The following SSU72 variants were observed in gnomAD, a reference collection of about 807,000 sequenced individuals.
SSU72 encodes RNA polymerase II subunit A C-terminal domain phosphatase SSU72.
SSU72 carries 12 observed loss-of-function variants against 22.7 expected under a neutral mutation model. That is an observed-to-expected ratio of 0.53 (90% confidence interval 0.34 to 0.86). SSU72 has a LOEUF of 0.86. Among genes scored for constraint, SSU72 ranks in the 40% least tolerant of loss-of-function variants. The pLI is 0.02. For missense variants in SSU72, 151 were observed against 249.8 expected, an observed-to-expected ratio of 0.60 and a Z score of 2.67; for synonymous variants, 116 against 98.3, an observed-to-expected ratio of 1.18 and a Z score of -1.06.
rs764252112 is a variant in SSU72 at position 1,574,544 on chromosome 1, G to A, written c.14C>T (p.Pro5Leu). The A allele has an allele frequency of 3.1e-6, 5 of 1,589,278 alleles. No individual in the cohort carries two copies. The highest frequency in any genetic ancestry group is 1.1e-5 in the South Asian group (1 of 88,320). MPSS[P>L]LRVAVVCSSN... ...CGAGCACACCACCGCCACCCGCAGC[G>A]GGGACGACGGCATGGCGGCGGCCGC... The change falls in exon 1 of 5, where the codon CCG (proline) becomes CTG (leucine). Residue 5 changes from proline to leucine, a missense_variant. By Grantham distance (98) the Pro-to-Leu change is moderately conservative. Coordinates refer to ENST00000291386, the MANE Select transcript of SSU72 (RefSeq NM_014188.3).
rs768087256 is a variant in SSU72 at position 1,549,014 on chromosome 1, TG to T, written c.225-4013del. Among the ~76,000 whole-genome samples the T allele has an allele frequency of 9.7e-4, 148 of 152,048 alleles. 1 individual carries two copies. Among genetic ancestry groups the T allele is most frequent in the Non-Finnish European group, 2.2e-4 (15 of 68,012 alleles). ...GAGGCCTTGGGCTGTGACACATACC[TG>T]TGGTCCCAGCTACTCGGGAGGCCGA... On this transcript the variant is annotated intron_variant, in intron 2 of 4. Coordinates refer to ENST00000291386, the MANE Select transcript of SSU72 (RefSeq NM_014188.3).
intron 2 of SSU72, among the ~76,000 whole-genome samples, chr1:1,558,914 C>T (rs1370421973): frequency 1.3e-5 from 2 of 152,222 alleles, no homozygotes; most frequent in African/African-American, 4.8e-5. Flanking sequence ...TCCCCAAAGG[C>T]ACTCCAAGCA....
chr1:1,553,201 C>T (rs1642474308), intron 2 of SSU72, among the ~76,000 whole-genome samples: 1 of 152,164 alleles, frequency 6.6e-6, no homozygotes, highest in South Asian at 2.1e-4. Context: ...GATCTGTAAC[C>T]GCAGCCTCAC....
At chr1:1,570,838 G>A (rs1274613243) in intron 1 of SSU72, among the ~76,000 whole-genome samples, 11 of 152,196 alleles carry the variant, frequency 7.2e-5, no homozygotes, top group African/African-American at 2.2e-4. Context: ...CAGGCTGGGC[G>A]TGGTGGCTCA....
At chr1:1,570,769 C>G (rs1642718987) in intron 1 of SSU72, among the ~76,000 whole-genome samples, 1 of 152,210 alleles carries the variant, frequency 6.6e-6, no homozygotes, top group African/African-American at 2.4e-5. Flanking sequence ...AGACGGACAC[C>G]AAAATGGTAC....
rs752341510 is a variant in SSU72 at position 1,574,567 on chromosome 1, C to G, written c.-10G>C. 2 of 1,581,616 alleles carry G rather than the reference C, an allele frequency of 1.3e-6. No homozygotes were observed. Among genetic ancestry groups the G allele is most frequent in the East Asian group, 5.0e-5 (2 of 40,296 alleles). On this transcript the variant is annotated 5_prime_UTR_variant, in exon 1 of 5. Coordinates refer to ENST00000291386, the MANE Select transcript of SSU72 (RefSeq NM_014188.3). ...GCGGGGACGACGGCATGGCGGCGGC[C>G]GCAAATCCCGCGGCTCTCCCGCTTG...
At chr1:1,549,473 C>T (rs574573713) in intron 2 of SSU72, among the ~76,000 whole-genome samples, 10 of 148,364 alleles carry the variant, frequency 6.7e-5, no homozygotes, top group Admixed American at 1.3e-4. Flanking sequence ...TGAGCAAGAT[C>T]GCACCACCGC....
At chr1:1,548,561 A>G (rs1159126412) in intron 2 of SSU72, among the ~76,000 whole-genome samples, 2 of 150,904 alleles carry the variant, frequency 1.3e-5, no homozygotes, top group African/African-American at 4.9e-5. Context: ...TCTCAAAAAA[A>G]AAAAAAAAAA....
intron 2 of SSU72, among the ~76,000 whole-genome samples, chr1:1,556,042 T>C (rs376273465): frequency 6.6e-6 from 1 of 152,202 alleles, no homozygotes; most frequent in Admixed American, 6.5e-5. Flanking sequence ...ACTCCTGTAA[T>C]CCCAGCACTA....
chr1:1,564,386 G>GCACGCACGCACA, intron 2 of SSU72: 3 of 1,267,158 alleles, frequency 2.4e-6, no homozygotes, highest in East Asian at 2.6e-5. Flanking sequence ...TGTGTATCAG[G>GCACGCACGCACA]CACGCACGCA....
In SSU72 at chr1:1,543,995, G is replaced by A. The variant is rs763157691; in HGVS notation, c.365-8C>T. 1.9e-6 allele frequency: 3 copies of A among 1,606,164 alleles called. No homozygotes were observed. The highest frequency in any genetic ancestry group is 2.7e-5 in the African/African-American group (2 of 74,746). On this transcript the variant is annotated splice_polypyrimidine_tract_variant and splice_region_variant and intron_variant, in intron 3 of 4. Coordinates refer to ENST00000291386, the MANE Select transcript of SSU72 (RefSeq NM_014188.3). ...GTTCTCTGGAATTCAGATCTGATTG[G>A]GACAAGGTGACACAGACGTCAGAGG...
intron 2 of SSU72, among the ~76,000 whole-genome samples, chr1:1,553,491 C>T (rs560007565): frequency 1.3e-5 from 2 of 151,726 alleles, no homozygotes; most frequent in East Asian, 1.9e-4. Flanking sequence ...ACTAGGTGGG[C>T]GTGGCCAGGC....
chr1:1,546,011 G>C (rs1007729098), intron 2 of SSU72: 1 of 152,236 alleles, frequency 6.6e-6, no homozygotes, highest in Non-Finnish European at 1.5e-5. Context: ...GGCCACAGGA[G>C]CCTCTGGGGT....
intron 1 of SSU72, among the ~76,000 whole-genome samples, chr1:1,572,606 G>A (rs1642744932): frequency 1.3e-5 from 2 of 149,368 alleles, no homozygotes; most frequent in East Asian, 2.1e-4. Flanking sequence ...GCAGGCGCCC[G>A]CCACCACGCC....
chr1:1,561,963 G>A (rs1570394854), intron 2 of SSU72: 3 of 152,290 alleles, frequency 2.0e-5, no homozygotes, highest in African/African-American at 7.2e-5. Flanking sequence ...ACGCACGCGG[G>A]GTTCTTCTGG....
chr1:1,574,104 G>C (rs775343108), intron 1 of SSU72, among the ~76,000 whole-genome samples: 1 of 151,836 alleles, frequency 6.6e-6, no homozygotes, highest in Admixed American at 6.6e-5. Context: ...TTACAACATC[G>C]TGGTATGCCG....
Position 1,573,265 on chromosome 1 carries a change from CA to C in SSU72, c.80+1212del, listed in dbSNP as rs57824669. 1.2e-3 allele frequency among the ~76,000 whole-genome samples: 164 copies of C among 131,216 alleles called. 1 individual carries two copies. Among genetic ancestry groups the C allele is most frequent in the Middle Eastern group, 4.0e-3 (1 of 250 alleles). The allele number at this position is 131,216 out of a possible 152,430, so 86.1% of individuals were successfully genotyped here. On this transcript the variant is annotated intron_variant, in intron 1 of 4. Transcript: ENST00000291386. ...TGAAACTCCGTCTCTACTAAAAATACAAAAAAAAAAAAAAATTAGCCGTGCC... is the reference window on the plus strand; with the variant it reads ...TGAAACTCCGTCTCTACTAAAAATACAAAAAAAAAAAAAATTAGCCGTGCC...
Position 1,574,085 on chromosome 1 carries a change from C to A in SSU72, c.80+393G>T, listed in dbSNP as rs7516244. On this transcript the variant is annotated intron_variant, in intron 1 of 4. Transcript: ENST00000291386. ...TCCATGGCATTAAAAAAAGAGACCG[C>A]TTTGTTATTTACAACATCGTGGTAT... Among the ~76,000 whole-genome samples the A allele has an allele frequency of 3.3e-3, 504 of 152,068 alleles. 3 individuals are homozygous for A. Among genetic ancestry groups the A allele is most frequent in the African/African-American group, 0.011 (469 of 41,460 alleles).
intron 2 of SSU72, among the ~76,000 whole-genome samples, chr1:1,551,035 C>T (rs1642450024): frequency 6.6e-6 from 1 of 152,174 alleles, no homozygotes. Context: ...TCAACAACCT[C>T]TACAGGGCAG....
Sources: gnomAD v4.1 joint callset for allele counts (sites outside exome capture counted in the v4.1 genomes callset) on GRCh38, gnomAD v4.1.1 for gene constraint, MANE v1.5 for transcripts, NCBI Gene and HGNC (gene_info 2026-07-23, HGNC 2026-07-21) for gene names.